Variants in ZGRF1 observed in about 807,000 individuals in gnomAD.
ZGRF1 encodes 5'-3' DNA helicase ZGRF1.
Under a neutral mutation model 203.5 loss-of-function variants are expected in ZGRF1, and 196 were observed. That is an observed-to-expected ratio of 0.96 (90% CI 0.86 to 1.08). The LOEUF (loss-of-function observed/expected upper bound fraction) is 1.08. ZGRF1 is among the 50% of genes least tolerant of loss of function. The probability of loss-of-function intolerance (pLI) is 0.00; values close to 1 mark genes in which losing one functional copy is unlikely to be tolerated. For missense variants in ZGRF1, 2,326 were observed against 2,416.3 expected, an observed-to-expected ratio of 0.96 and a Z score of 0.78; for synonymous variants, 809 against 841.3, an observed-to-expected ratio of 0.96 and a Z score of 0.66.
chr4:112,566,318 C>CA (rs1476400319), intron 16 of ZGRF1, among the ~76,000 whole-genome samples: 1 of 121,422 alleles, frequency 8.2e-6, no homozygotes, highest in Non-Finnish European at 1.6e-5. Flanking sequence ...GGAAGGGGAA[C>CA]ATCACACTCT....
intron 12 of ZGRF1, among the ~76,000 whole-genome samples, chr4:112,586,968 G>C (rs926907808): frequency 6.6e-6 from 1 of 152,118 alleles, no homozygotes; most frequent in Non-Finnish European, 1.5e-5. Flanking sequence ...AAACACAATT[G>C]ACAGTCAAAA....
chr4:112,616,329 G>A (rs1362227597), intron 6 of ZGRF1, among the ~76,000 whole-genome samples: 1 of 149,736 alleles, frequency 6.7e-6, no homozygotes, highest in Non-Finnish European at 1.5e-5. Flanking sequence ...AGACCAACGT[G>A]GCCAACATGG....
At chr4:112,582,258 ATT>A (rs1746394207) in intron 15 of ZGRF1, among the ~76,000 whole-genome samples, 1 of 147,848 alleles carries the variant, frequency 6.8e-6, no homozygotes, top group Non-Finnish European at 1.5e-5. Context: ...ACAATAAATT[ATT>A]GTTAACTATA....
rs553083534 is a variant in ZGRF1, at chr4:112,618,584, T to A, written c.1458A>T (p.Gln486His). The change falls in exon 6 of 28, where the codon CAA becomes CAT. Residue 486 changes from glutamine (Q) to histidine (H), a missense_variant. Coordinates refer to ENST00000505019, the MANE Select transcript of ZGRF1 (RefSeq NM_018392.5). ...ESSLPELKHL[Q>H]IESSNNSRIS... Reference sequence around the variant, plus strand: ...TCCTAGAATTATTACTAGATTCAATTTGGAGATGTTTCAGTTCTGGCAGAG... The same window carrying A: ...TCCTAGAATTATTACTAGATTCAATATGGAGATGTTTCAGTTCTGGCAGAG... 6 of 1,613,642 alleles carry A rather than the reference T, an allele frequency of 3.7e-6. No individual in the cohort carries two copies. The highest frequency in any genetic ancestry group is 1.7e-5 in the Admixed American group (1 of 60,000).
chr4:112,630,713 G>T (rs941038282), intron 3 of ZGRF1, among the ~76,000 whole-genome samples: 2 of 151,906 alleles, frequency 1.3e-5, no homozygotes, highest in Non-Finnish European at 2.9e-5. Context: ...ACAACATGGC[G>T]AAACCGTCTC....
intron 23 of ZGRF1, among the ~76,000 whole-genome samples, 183 bp from the exon 24 acceptor site, chr4:112,547,591 A>C (rs188037049): frequency 2.2e-4 from 33 of 152,346 alleles, no homozygotes; most frequent in Admixed American, 1.6e-3. Flanking sequence ...GCAATAAAGA[A>C]TCCTTTATAT....
At chr4:112,606,399 C>T (rs534140693) in intron 8 of ZGRF1, among the ~76,000 whole-genome samples, 1 of 152,198 alleles carries the variant, frequency 6.6e-6, no homozygotes, top group African/African-American at 2.4e-5. Context: ...CAGTGGCTTA[C>T]GCCTGTAATC....
chr4:112,551,140 T>C (rs995245141), intron 22 of ZGRF1, among the ~76,000 whole-genome samples: 1 of 152,244 alleles, frequency 6.6e-6, no homozygotes, highest in African/African-American at 2.4e-5. Context: ...CACAGTACAT[T>C]TTCTGTTTAG....
intron 2 of ZGRF1, among the ~76,000 whole-genome samples, chr4:112,632,780 T>C (rs185203662): frequency 1.2e-3 from 184 of 152,314 alleles, no homozygotes; most frequent in Middle Eastern, 3.4e-3. Context: ...ACTGCTGATC[T>C]ATACAGAAGA....
chr4:112,563,048 T>C, intron 17 of ZGRF1, 83 bp downstream of exon 17: 1 of 1,236,542 alleles, frequency 8.1e-7, no homozygotes, highest in Non-Finnish European at 1.1e-6. Flanking sequence ...GTTGGGTCCT[T>C]TTTGTTGGCT....
intron 24 of ZGRF1, among the ~76,000 whole-genome samples, chr4:112,543,543 A>G (rs1044491385): frequency 2.0e-5 from 3 of 152,234 alleles, no homozygotes; most frequent in African/African-American, 7.2e-5. Context: ...CCCCCAAATA[A>G]AAACCTACTT....
At chr4:112,558,661 A>C (rs1331142774) in intron 19 of ZGRF1, among the ~76,000 whole-genome samples, 1 of 152,222 alleles carries the variant, frequency 6.6e-6, no homozygotes, top group Non-Finnish European at 1.5e-5. Flanking sequence ...GCCTGGTCAA[A>C]CATAAATTTC....
intron 16 of ZGRF1, among the ~76,000 whole-genome samples, chr4:112,577,575 T>C (rs939346799): frequency 3.3e-5 from 4 of 121,928 alleles, no homozygotes; most frequent in Admixed American, 9.4e-5. Flanking sequence ...AATAAAGAGA[T>C]GGAGGAAGAT....
chr4:112,628,514 A>T, intron 3 of ZGRF1: 1 of 447,790 alleles, frequency 2.2e-6, no homozygotes, highest in Non-Finnish European at 4.5e-6. Context: ...TAACTTTGAC[A>T]GAATTTAGAT....
chr4:112,624,946 C>T (rs1383162630), intron 3 of ZGRF1, among the ~76,000 whole-genome samples: 1 of 151,950 alleles, frequency 6.6e-6, no homozygotes, highest in Non-Finnish European at 1.5e-5. Flanking sequence ...TTGAAGTAAC[C>T]CAAAGGTATA....
At chr4:112,585,748 G>C in intron 13 of ZGRF1, 23 bp from the exon 14 acceptor site, 1 of 1,438,790 alleles carries the variant, frequency 7.0e-7, no homozygotes, top group East Asian at 2.3e-5. Context: ...AAAAAAGAGA[G>C]CAGAAAATTA....
chr4:112,563,935 G>A (rs562036935), intron 16 of ZGRF1, among the ~76,000 whole-genome samples: 9 of 152,180 alleles, frequency 5.9e-5, no homozygotes, highest in African/African-American at 1.7e-4. Flanking sequence ...GTTATGCAGC[G>A]CCCACATGAC....
intron 9 of ZGRF1, among the ~76,000 whole-genome samples, chr4:112,604,163 G>T (rs902806815): frequency 6.6e-6 from 1 of 151,862 alleles, no homozygotes; most frequent in African/African-American, 2.4e-5. Flanking sequence ...GTTGGAGGTT[G>T]CAGTGAGCTG....
At chr4:112,585,763 C>T in intron 13 of ZGRF1, 38 bp from the exon 14 acceptor site, 2 of 1,469,994 alleles carry the variant, frequency 1.4e-6, no homozygotes, top group South Asian at 2.7e-5. Context: ...AAATTAAATA[C>T]AAAATAATTT....
Sources: allele counts gnomAD v4.1 joint callset (sites outside exome capture counted in the v4.1 genomes callset), GRCh38; gene constraint gnomAD v4.1.1; transcripts MANE v1.5; gene names NCBI Gene and HGNC (gene_info 2026-07-23, HGNC 2026-07-21).